BRINP1: variants seen among roughly 807,000 people sequenced by gnomAD.
The protein encoded by BRINP1 is BMP/retinoic acid inducible neural specific 1.
BRINP1 carries 17 observed loss-of-function variants against 72.9 expected under a neutral mutation model. That is an observed-to-expected ratio of 0.23 (90% CI 0.16 to 0.35). The LOEUF (loss-of-function observed/expected upper bound fraction) is 0.35, where lower values mean the gene tolerates loss of function less well. Among genes scored for constraint, BRINP1 ranks in the 10% least tolerant of loss-of-function variants. BRINP1 has a pLI of 1.00. For synonymous variants in BRINP1, 418 were observed against 378.5 expected, an observed-to-expected ratio of 1.10 and a Z score of -1.21; for missense variants, 850 against 1,001.6, an observed-to-expected ratio of 0.85 and a Z score of 2.04.
At chr9:119,244,779 C>T (rs1259299157) in intron 3 of BRINP1, among the ~76,000 whole-genome samples, 1 of 152,110 alleles carries the variant, frequency 6.6e-6, no homozygotes, top group Non-Finnish European at 1.5e-5. Flanking sequence ...AATTGCTTTC[C>T]CCCTTGGGCA....
Position 119,168,047 on chromosome 9 carries a change from C to T in BRINP1, c.1323G>A (p.Leu441=). ...AGGAGCCGCAGAGGGAGATGTTGGC[C>T]AGGCTGCACATGGCGCAGCTGTTGT... ...GGNNSCAMCS[L]ANISLCGSCN... Residue 441 remains leucine, a synonymous_variant, in exon 8 of 8, where the codon CTG becomes CTA. Transcript: ENST00000265922. The T allele has an allele frequency of 3.1e-6, 5 of 1,611,858 alleles. No individual in the cohort carries two copies. Among genetic ancestry groups the T allele is most frequent in the Non-Finnish European group, 4.2e-6 (5 of 1,178,448 alleles).
intron 1 of BRINP1, among the ~76,000 whole-genome samples, chr9:119,323,018 A>G (rs1203567484): frequency 6.6e-6 from 1 of 152,232 alleles, no homozygotes; most frequent in Non-Finnish European, 1.5e-5. Context: ...ACCAAAATGC[A>G]CTTTTTGGGG....
chr9:119,300,838 T>C (rs1239279257), intron 2 of BRINP1, among the ~76,000 whole-genome samples: 1 of 152,230 alleles, frequency 6.6e-6, no homozygotes, highest in Non-Finnish European at 1.5e-5. Flanking sequence ...TATCAGAAAC[T>C]ACAGCTATTG....
rs571885235 is a variant in BRINP1 at position 119,332,766 on chromosome 9, C to A, written c.-50-19361G>T. Among the ~76,000 whole-genome samples the A allele has an allele frequency of 3.3e-4, 50 of 152,248 alleles. No individual in the cohort carries two copies. The South Asian group carries it at 0.01, about 31-fold the overall frequency. On this transcript the variant is annotated intron_variant, in intron 1 of 7. Transcript: ENST00000265922. ...AACTGCAGGAGCAAGAGCAGCCCAGCCTAGATCAGTGAGCCTGGGTTAGGT... is the reference window on the plus strand; with the variant it reads ...AACTGCAGGAGCAAGAGCAGCCCAGACTAGATCAGTGAGCCTGGGTTAGGT...
At chr9:119,343,494 G>C (rs534714964) in intron 1 of BRINP1, among the ~76,000 whole-genome samples, 3 of 152,002 alleles carry the variant, frequency 2.0e-5, no homozygotes, top group African/African-American at 7.3e-5. Flanking sequence ...CTTCTTCAAC[G>C]TGTTTGCTCC....
intron 2 of BRINP1, among the ~76,000 whole-genome samples, chr9:119,296,943 TACA>T (rs1830886453): frequency 6.6e-6 from 1 of 152,208 alleles, no homozygotes; most frequent in East Asian, 1.9e-4. Flanking sequence ...AGAGCTAATA[TACA>T]GCATGGTGAC....
chr9:119,367,221 G>GTGTTATATATAT (rs1564259756), intron 1 of BRINP1, among the ~76,000 whole-genome samples: 1 of 99,850 alleles, frequency 1.0e-5, no homozygotes, highest in Non-Finnish European at 1.9e-5. Context: ...GTGTGTGATT[G>GTGTTATATATAT]ATATATATAT....
intron 1 of BRINP1, among the ~76,000 whole-genome samples, chr9:119,354,686 C>A (rs78465125): frequency 0.041 from 5,934 of 144,756 alleles, 170 homozygotes; most frequent in Non-Finnish European, 0.059. Flanking sequence ...ATAGCAAGAA[C>A]CCCGTCTCTA....
At chr9:119,221,160 C>T (rs1830037245) in intron 5 of BRINP1, among the ~76,000 whole-genome samples, 1 of 152,024 alleles carries the variant, frequency 6.6e-6, no homozygotes, top group African/African-American at 2.4e-5. Flanking sequence ...AGAATGTGCC[C>T]CCTGTAGATA....
At chr9:119,248,469 G>A (rs1443702361) in intron 3 of BRINP1, among the ~76,000 whole-genome samples, 1 of 152,134 alleles carries the variant, frequency 6.6e-6, no homozygotes, top group Admixed American at 6.5e-5. Context: ...GGAGGGATGG[G>A]TAAGGCTGAG....
chr9:119,333,327 G>A lies in BRINP1; in HGVS notation c.-50-19922C>T, dbSNP rs925522657. 5.3e-5 allele frequency among the ~76,000 whole-genome samples: 8 copies of A among 151,950 alleles called. 1 individual carries two copies. Among genetic ancestry groups the A allele is most frequent in the African/African-American group, 1.9e-4 (8 of 41,446 alleles). On this transcript the variant is annotated intron_variant, in intron 1 of 7. Coordinates refer to ENST00000265922, the MANE Select transcript of BRINP1 (RefSeq NM_014618.3). ...AATACAAAAAAATTAGCCAGGCATG[G>A]TGGTGCACGCCTGTGGTCCCAGCTA...
At chr9:119,323,685 G>A (rs1033999258) in intron 1 of BRINP1, among the ~76,000 whole-genome samples, 4 of 152,186 alleles carry the variant, frequency 2.6e-5, no homozygotes, top group African/African-American at 7.2e-5. Flanking sequence ...GCAAAGCACT[G>A]ATGCTAGATC....
intron 1 of BRINP1, among the ~76,000 whole-genome samples, chr9:119,349,791 G>T (rs1465855492): frequency 1.3e-5 from 2 of 152,028 alleles, no homozygotes; most frequent in Non-Finnish European, 2.9e-5. Context: ...AAGTGCAGAG[G>T]GGAAAACACG....
At chr9:119,311,791 T>C (rs1200867413) in intron 2 of BRINP1, among the ~76,000 whole-genome samples, 1 of 152,174 alleles carries the variant, frequency 6.6e-6, no homozygotes, top group African/African-American at 2.4e-5. Context: ...GAAAAATGTT[T>C]GGAAAAAGTT....
intron 2 of BRINP1, among the ~76,000 whole-genome samples, chr9:119,303,434 G>A (rs923839811): frequency 5.3e-5 from 8 of 152,064 alleles, no homozygotes; most frequent in African/African-American, 1.9e-4. Flanking sequence ...TGGCGAGCAC[G>A]GTGCAGTAGG....
chr9:119,216,071 A>G (rs749098301), intron 5 of BRINP1, among the ~76,000 whole-genome samples: 2 of 152,190 alleles, frequency 1.3e-5, no homozygotes, highest in Non-Finnish European at 2.9e-5. Flanking sequence ...GTCTGTTCTT[A>G]TTTTTGATGT....
chr9:119,169,184 A>G (rs999415885), intron 7 of BRINP1, among the ~76,000 whole-genome samples: 3 of 152,220 alleles, frequency 2.0e-5, no homozygotes, highest in African/African-American at 7.2e-5. Flanking sequence ...AGCGACGCAG[A>G]AGACAGTGAT....
chr9:119,347,351 T>A (rs1831462058), intron 1 of BRINP1, among the ~76,000 whole-genome samples: 1 of 152,154 alleles, frequency 6.6e-6, no homozygotes, highest in South Asian at 2.1e-4. Flanking sequence ...TGCGGGCAAG[T>A]CACAGAAACC....
intron 1 of BRINP1, among the ~76,000 whole-genome samples, chr9:119,340,802 GAC>G (rs1194518826): frequency 1.3e-5 from 2 of 152,158 alleles, no homozygotes; most frequent in Non-Finnish European, 2.9e-5. Flanking sequence ...ATCTTCCTTA[GAC>G]ACAGCTTTTT....
Sources: gnomAD v4.1 joint callset for allele counts (sites outside exome capture counted in the v4.1 genomes callset) on GRCh38, gnomAD v4.1.1 for gene constraint, MANE v1.5 for transcripts, NCBI Gene and HGNC (gene_info 2026-07-23, HGNC 2026-07-21) for gene names.